CEP152: variants seen among roughly 807,000 people sequenced by gnomAD.
CEP152 encodes the protein centrosomal protein 152.
In CEP152, 132 loss-of-function variants were observed where a neutral mutation model predicts 188.9. The observed-to-expected ratio is 0.70, with a 90% CI of 0.61 to 0.81. The LOEUF is 0.81. Among genes scored for constraint, CEP152 ranks in the 30% least tolerant of loss-of-function variants. The pLI, the probability that CEP152 is intolerant of heterozygous loss-of-function variation, is 0.00. For missense variants in CEP152, 1,914 were observed against 1,969.8 expected (o/e 0.97, Z 0.54); for synonymous variants, 649 against 666.6 (o/e 0.97, Z 0.41).
chr15:48,775,455 A>G (rs1895829840), intron 12 of CEP152, among the ~76,000 whole-genome samples: 1 of 152,166 alleles, frequency 6.6e-6, no homozygotes. Context: ...AATAACAATG[A>G]ATTTCTTCAC....
At chr15:48,750,650 T>G (rs1221895575) in intron 21 of CEP152, among the ~76,000 whole-genome samples, 2 of 152,138 alleles carry the variant, frequency 1.3e-5, no homozygotes, top group Non-Finnish European at 2.9e-5. Flanking sequence ...TGAAATACTA[T>G]GTAGCAATGA....
chr15:48,762,728 A>G, intron 17 of CEP152, 56 bp from the exon 18 acceptor site: 1 of 1,563,900 alleles, frequency 6.4e-7, no homozygotes, highest in Non-Finnish European at 8.7e-7. Flanking sequence ...AGTAAAAACT[A>G]GAATTAAAAG....
At chr15:48,730,504 T>C (rs1233671817) in intron 2 of CEP152, among the ~76,000 whole-genome samples, 1 of 152,142 alleles carries the variant, frequency 6.6e-6, no homozygotes, top group Non-Finnish European at 1.5e-5. Context: ...AGAAAGCCCA[T>C]GCTCACCACA....
chr15:48,748,667 TAA>T lies in CEP152; in HGVS notation c.3467-59_3467-58del, dbSNP rs34352957. The T allele has an allele frequency of 0.22, 222,539 of 991,272 alleles. No individual in the cohort carries two copies. The highest frequency in any genetic ancestry group is 0.27 in the East Asian group (7,165 of 26,552). 61.4% of individuals were successfully genotyped at this position (991,272 alleles called of 1,614,324 possible). On this transcript the variant is annotated intron_variant, in intron 21 of 26. Transcript: ENST00000380950. ...ATCAGTTTAGACCAAGAACTATCAT[TAA>T]AAAAAAAAAAAAAAGACAGAAAGAA...
intron 17 of CEP152, among the ~76,000 whole-genome samples, chr15:48,766,460 C>T (rs1019075136): frequency 4.6e-5 from 7 of 152,142 alleles, no homozygotes; most frequent in African/African-American, 1.7e-4. Flanking sequence ...TGGACACTCA[C>T]CAAGAGTGAC....
intron 20 of CEP152, 113 bp from the exon 21 acceptor site, chr15:48,752,582 G>A (rs1893957285): frequency 6.7e-7 from 1 of 1,485,958 alleles, no homozygotes; most frequent in African/African-American, 1.4e-5. Context: ...AAAAAATCTT[G>A]CCTGAACTAT....
At chr15:48,781,536 C>T (rs536329606) in intron 11 of CEP152, among the ~76,000 whole-genome samples, 177 bp from the exon 12 acceptor site, 2 of 152,158 alleles carry the variant, frequency 1.3e-5, no homozygotes, top group Non-Finnish European at 2.9e-5. Context: ...TCAAGTAAAG[C>T]CTAAATGAAT....
At chr15:48,780,050 C>A (rs943354816) in intron 12 of CEP152, among the ~76,000 whole-genome samples, 2 of 152,186 alleles carry the variant, frequency 1.3e-5, no homozygotes, top group Non-Finnish European at 2.9e-5. Flanking sequence ...TGGATACTGT[C>A]TTTCCCAACC....
intron 5 of CEP152, among the ~76,000 whole-genome samples, chr15:48,796,535 T>G (rs1897309052): frequency 6.6e-6 from 1 of 152,152 alleles, no homozygotes; most frequent in African/African-American, 2.4e-5. Flanking sequence ...AATATAAAAA[T>G]GCACATATCC....
intron 11 of CEP152, 130 bp from the exon 12 acceptor site, chr15:48,781,489 A>G: frequency 1.5e-6 from 1 of 661,588 alleles, no homozygotes; most frequent in Admixed American, 2.7e-5. Context: ...TTATTAGTAC[A>G]CATTATACTT....
intron 3 of CEP152, 27 bp from the exon 4 acceptor site, chr15:48,797,757 T>A: frequency 6.2e-7 from 1 of 1,610,258 alleles, no homozygotes; most frequent in Non-Finnish European, 8.5e-7. Context: ...ACTTTCGATT[T>A]AAAGCGTATC....
intron 26 of CEP152, among the ~76,000 whole-genome samples, chr15:48,740,140 CT>C (rs1184812336): frequency 6.6e-6 from 1 of 152,162 alleles, no homozygotes; most frequent in East Asian, 1.9e-4. Context: ...TCTATCAGCT[CT>C]TGCTTTATAT....
intron 24 of CEP152, 94 bp from the exon 25 acceptor site, chr15:48,742,194 A>G: frequency 9.0e-7 from 1 of 1,108,220 alleles, no homozygotes; most frequent in African/African-American, 1.5e-5. Context: ...TTTCTGGTAG[A>G]TGAAGTGATT....
At chr15:48,752,315 G>A in intron 21 of CEP152, 34 bp downstream of exon 21, 1 of 1,613,982 alleles carries the variant, frequency 6.2e-7, no homozygotes. Flanking sequence ...GATTATGGAT[G>A]CTACAAAGAC....
intron 17 of CEP152, 101 bp downstream of exon 17, chr15:48,766,959 C>A: frequency 6.9e-7 from 1 of 1,453,202 alleles, no homozygotes; most frequent in Non-Finnish European, 9.6e-7. Flanking sequence ...ATATGAATAC[C>A]TTCTCCATTC....
intron 25 of CEP152, 91 bp from the exon 26 acceptor site, chr15:48,741,795 C>T: frequency 6.2e-7 from 1 of 1,609,836 alleles, no homozygotes. Context: ...ATTGGCTCTG[C>T]CAACATTTAG....
chr15:48,783,776 T>C, intron 10 of CEP152, 197 bp downstream of exon 10: 1 of 98,866 alleles, frequency 1.0e-5, no homozygotes, highest in Non-Finnish European at 1.5e-5. Context: ...TGTGTGTATG[T>C]ATATATATAT....
chr15:48,766,900 T>G (rs1895152702), intron 17 of CEP152, among the ~76,000 whole-genome samples, 160 bp downstream of exon 17: 1 of 152,200 alleles, frequency 6.6e-6, no homozygotes, highest in Non-Finnish European at 1.5e-5. Context: ...AATTACTGTA[T>G]TTTATTTGTG....
At chr15:48,735,960 G>C (rs1010506238), downstream of CEP152, among the ~76,000 whole-genome samples, 1 of 151,962 alleles carries the variant, frequency 6.6e-6, no homozygotes, top group Non-Finnish European at 1.5e-5. Flanking sequence ...ATGAAAGGGG[G>C]ACATCATTAT....
Sources: allele counts gnomAD v4.1 joint callset (sites outside exome capture counted in the v4.1 genomes callset), GRCh38; gene constraint gnomAD v4.1.1; transcripts MANE v1.5; gene names NCBI Gene and HGNC (gene_info 2026-07-23, HGNC 2026-07-21).